The following ROBO2 variants were observed in gnomAD, a reference collection of about 807,000 sequenced individuals.
ROBO2 encodes the protein roundabout guidance receptor 2.
Under a neutral mutation model 160.8 loss-of-function variants are expected in ROBO2, and 53 were observed. That is an observed-to-expected ratio of 0.33 (90% confidence interval 0.26 to 0.41). ROBO2 has a LOEUF of 0.41. ROBO2 is among the 10% of genes least tolerant of loss of function. ROBO2 has a pLI of 1.00. For missense variants in ROBO2, 1,577 were observed against 1,722.4 expected (o/e 0.92, Z 1.49); for synonymous variants, 664 against 611.7 (o/e 1.09, Z -1.26).
At chr3:77,062,693 A>AC (rs1228870294) in intron 1 of ROBO2, among the ~76,000 whole-genome samples, 1 of 152,150 alleles carries the variant, frequency 6.6e-6, no homozygotes, top group Non-Finnish European at 1.5e-5. Flanking sequence ...TTGGAGTTCC[A>AC]CCACACTGCA....
rs186543201 is a variant in ROBO2, at chr3:77,072,649, G to A, written c.62-25365G>A. 5.9e-5 allele frequency among the ~76,000 whole-genome samples: 9 copies of A among 152,100 alleles called. No homozygotes were observed. The East Asian group carries it at 9.7e-4, about 16-fold the overall frequency. On this transcript the variant is annotated intron_variant, in intron 1 of 25. Transcript: ENST00000461745. Reference sequence around the variant, plus strand: ...CCTTGATTGCATTTATCATAATTTCGAAACATATACACAATGGGATAGTAA... The same window carrying A: ...CCTTGATTGCATTTATCATAATTTCAAAACATATACACAATGGGATAGTAA...
chr3:76,145,886 A>G (rs2071867653), intron 2 of ROBO2, among the ~76,000 whole-genome samples: 1 of 151,996 alleles, frequency 6.6e-6, no homozygotes. Flanking sequence ...TTTTACTTTC[A>G]CACACTAAAC....
At chr3:77,292,388 CAAAGA>C (rs1560453943) in intron 2 of ROBO2, among the ~76,000 whole-genome samples, 46 of 151,170 alleles carry the variant, frequency 3.0e-4, no homozygotes, top group African/African-American at 1.1e-3. Flanking sequence ...GCTAGATCAC[CAAAGA>C]CATAAAGTAA....
intron 2 of ROBO2, among the ~76,000 whole-genome samples, chr3:76,682,414 A>G (rs2092586513): frequency 2.1e-5 from 2 of 94,614 alleles, no homozygotes; most frequent in African/African-American, 1.2e-4. Flanking sequence ...ATAGTCTATT[A>G]AAAATTTCTT....
intron 2 of ROBO2, among the ~76,000 whole-genome samples, chr3:77,314,920 T>C (rs2063846095): frequency 6.6e-6 from 1 of 152,232 alleles, no homozygotes. Flanking sequence ...AGTAGCATGT[T>C]TTCTCTTTAC....
chr3:77,524,708 T>C (rs1013413601), intron 6 of ROBO2, among the ~76,000 whole-genome samples: 2 of 151,422 alleles, frequency 1.3e-5, no homozygotes, highest in African/African-American at 4.8e-5. Flanking sequence ...TAACATTTCA[T>C]TTAACAAAGC....
At chr3:77,144,545 GC>G (rs2150464174) in intron 2 of ROBO2, among the ~76,000 whole-genome samples, 1 of 152,162 alleles carries the variant, frequency 6.6e-6, no homozygotes, top group East Asian at 1.9e-4. Context: ...ACATGCATAG[GC>G]ATATGTACAT....
At chr3:77,523,064 C>G (rs1028786484) in intron 6 of ROBO2, among the ~76,000 whole-genome samples, 162 bp downstream of exon 6, 7 of 151,208 alleles carry the variant, frequency 4.6e-5, no homozygotes, top group Non-Finnish European at 1.0e-4. Context: ...AAATTACTTT[C>G]AATATTTGGT....
chr3:76,596,451 A>G (rs1164664990), intron 2 of ROBO2, among the ~76,000 whole-genome samples: 1 of 152,114 alleles, frequency 6.6e-6, no homozygotes, highest in East Asian at 1.9e-4. Context: ...AGTGAAAAGA[A>G]TGGAAAACCG....
chr3:76,890,404 A>G (rs2074257641), intron 2 of ROBO2, among the ~76,000 whole-genome samples: 1 of 152,150 alleles, frequency 6.6e-6, no homozygotes, highest in African/African-American at 2.4e-5. Context: ...TTTATTACCT[A>G]AGATCAGGTG....
intron 2 of ROBO2, among the ~76,000 whole-genome samples, chr3:76,402,054 G>A (rs1402912209): frequency 6.6e-6 from 1 of 151,566 alleles, no homozygotes; most frequent in Admixed American, 6.6e-5. Context: ...GTCTCTGAAA[G>A]ACAGAAAATG....
At chr3:76,296,620 T>C (rs17140624) in intron 2 of ROBO2, among the ~76,000 whole-genome samples, 1,603 of 152,290 alleles carry the variant, frequency 0.011, 20 homozygotes, top group African/African-American at 0.034. Context: ...AATTTACCTA[T>C]ATACCTTGCC....
At chr3:76,816,240 C>A (rs1354713901) in intron 2 of ROBO2, among the ~76,000 whole-genome samples, 1 of 151,880 alleles carries the variant, frequency 6.6e-6, no homozygotes, top group East Asian at 1.9e-4. Flanking sequence ...ACGTGTGGAT[C>A]GGACGTTTTA....
chr3:77,214,374 C>G (rs918164534), intron 2 of ROBO2, among the ~76,000 whole-genome samples: 7 of 152,128 alleles, frequency 4.6e-5, no homozygotes, highest in African/African-American at 7.2e-5. Flanking sequence ...GGTTTAAAGT[C>G]TGTTTAAGCA....
At chr3:76,242,339 G>A (rs1705340562) in intron 2 of ROBO2, among the ~76,000 whole-genome samples, 1 of 152,108 alleles carries the variant, frequency 6.6e-6, no homozygotes, top group Non-Finnish European at 1.5e-5. Flanking sequence ...ACCCTATGGA[G>A]CGGGGCAGTC....
chr3:76,434,590 G>T, intron 2 of ROBO2: 1 of 1,579,072 alleles, frequency 6.3e-7, no homozygotes, highest in Non-Finnish European at 8.7e-7. Flanking sequence ...CTTACATTAA[G>T]GAGTTCCATA....
chr3:77,237,782 T>C (rs2088300680), intron 2 of ROBO2, among the ~76,000 whole-genome samples: 1 of 152,188 alleles, frequency 6.6e-6, no homozygotes, highest in South Asian at 2.1e-4. Context: ...CATTGCATCA[T>C]AAAAGTATGT....
At chr3:77,454,522 A>C (rs1435432576) in intron 2 of ROBO2, among the ~76,000 whole-genome samples, 1 of 152,152 alleles carries the variant, frequency 6.6e-6, no homozygotes, top group African/African-American at 2.4e-5. Flanking sequence ...ATTTGTATTA[A>C]TCTCCTGCAG....
intron 2 of ROBO2, among the ~76,000 whole-genome samples, chr3:76,226,429 G>A (rs1270246665): frequency 6.6e-6 from 1 of 152,048 alleles, no homozygotes; most frequent in Non-Finnish European, 1.5e-5. Flanking sequence ...TGGTGATGAA[G>A]GAATAAGGGT....
Sources: gnomAD v4.1 joint callset for allele counts (sites outside exome capture counted in the v4.1 genomes callset) on GRCh38, gnomAD v4.1.1 for gene constraint, MANE v1.5 for transcripts, NCBI Gene and HGNC (gene_info 2026-07-23, HGNC 2026-07-21) for gene names.